The following CXADR variants were observed in gnomAD, a reference collection of about 807,000 sequenced individuals.
CXADR encodes the protein coxsackievirus and adenovirus receptor.
CXADR carries 20 observed loss-of-function variants against 40.3 expected under a neutral mutation model. That is an observed-to-expected ratio of 0.50 (90% confidence interval 0.35 to 0.72). The LOEUF (loss-of-function observed/expected upper bound fraction) is 0.72, where lower values mean the gene tolerates loss of function less well. CXADR is among the 30% of genes least tolerant of loss of function. The pLI, the probability that CXADR is intolerant of heterozygous loss-of-function variation, is 0.01. For synonymous variants in CXADR, 150 were observed against 161.3 expected (o/e 0.93, Z 0.53); for missense variants, 332 against 449.1 (o/e 0.74, Z 2.36).
chr21:17,611,893 C>G, the CXADR span: 5 of 152,200 alleles, frequency 3.3e-5, no homozygotes, highest in South Asian at 4.1e-4. Context: ...TCTAGGAACA[C>G]ATTTTTCTCC....
chr21:17,561,588 A>G, intron 6 of CXADR, 112 bp downstream of exon 6: 2 of 889,962 alleles, frequency 2.2e-6, no homozygotes, highest in Non-Finnish European at 3.3e-6. Context: ...GAATGGGTAA[A>G]AGCTCTGGCC....
the CXADR span, among the ~76,000 whole-genome samples, chr21:17,636,033 G>T: frequency 6.6e-6 from 1 of 152,134 alleles, no homozygotes; most frequent in Admixed American, 6.5e-5. Context: ...TTATCCTTAA[G>T]TATTTTACAG....
chr21:17,626,420 TACTC>T, the CXADR span, among the ~76,000 whole-genome samples: 7 of 152,208 alleles, frequency 4.6e-5, no homozygotes, highest in Admixed American at 2.6e-4. Flanking sequence ...AATTACCAAT[TACTC>T]AATCAGAATT....
intron 1 of CXADR, among the ~76,000 whole-genome samples, chr21:17,538,952 T>C (rs1308469104): frequency 1.3e-5 from 2 of 152,170 alleles, no homozygotes; most frequent in Non-Finnish European, 2.9e-5. Context: ...AAGATAATAG[T>C]GGCCTGGATA....
chr21:17,576,036 C>T (rs1443792734), intron 7 of CXADR, among the ~76,000 whole-genome samples: 8 of 142,702 alleles, frequency 5.6e-5, no homozygotes, highest in East Asian at 2.1e-4. Flanking sequence ...TGCAGTGAGC[C>T]GAGATCACGC....
chr21:17,526,510 T>TG (rs1482878235), intron 1 of CXADR, among the ~76,000 whole-genome samples: 1 of 152,032 alleles, frequency 6.6e-6, no homozygotes, highest in African/African-American at 2.4e-5. Context: ...TTTGCCTAGG[T>TG]GGGGAAATAA....
downstream of CXADR, among the ~76,000 whole-genome samples, chr21:17,596,809 C>T (rs2061510065): frequency 6.6e-6 from 1 of 152,024 alleles, no homozygotes; most frequent in African/African-American, 2.4e-5. Context: ...TGAATTGGAT[C>T]TACAGATCTA....
At chr21:17,559,510 C>T (rs1412654143) in intron 4 of CXADR, among the ~76,000 whole-genome samples, 3 of 151,920 alleles carry the variant, frequency 2.0e-5, no homozygotes, top group African/African-American at 7.3e-5. Flanking sequence ...TGTAGATTCC[C>T]AGATGCTTTC....
chr21:17,523,185 C>T (rs570484251), intron 1 of CXADR, among the ~76,000 whole-genome samples: 1 of 152,052 alleles, frequency 6.6e-6, no homozygotes. Context: ...TCAAGCATGC[C>T]GATACTGTCA....
chr21:17,560,853 T>G (rs773986762), intron 5 of CXADR, 29 bp downstream of exon 5: 1 of 1,611,294 alleles, frequency 6.2e-7, no homozygotes, highest in African/African-American at 1.3e-5. Flanking sequence ...GTTGGTGGTT[T>G]TGTTTCTGTT....
the CXADR span, among the ~76,000 whole-genome samples, chr21:17,618,763 C>G: frequency 6.6e-6 from 1 of 152,000 alleles, no homozygotes; most frequent in African/African-American, 2.4e-5. Context: ...TCTCAAACTC[C>G]TGACTTCATG....
intron 1 of CXADR, among the ~76,000 whole-genome samples, chr21:17,534,371 AG>A (rs2060726529): frequency 6.6e-6 from 1 of 152,078 alleles, no homozygotes; most frequent in Non-Finnish European, 1.5e-5. Flanking sequence ...CTGGGATTAC[AG>A]GCGTGAGCCA....
intron 7 of CXADR, among the ~76,000 whole-genome samples, chr21:17,583,090 G>A (rs185485327): frequency 7.1e-4 from 108 of 152,244 alleles, no homozygotes; most frequent in African/African-American, 2.5e-3. Context: ...CTTTTAATCT[G>A]ACAAGGAGGG....
At chr21:17,515,882 A>C (rs2060455828) in intron 1 of CXADR, among the ~76,000 whole-genome samples, 1 of 152,226 alleles carries the variant, frequency 6.6e-6, no homozygotes, top group South Asian at 2.1e-4. Context: ...CTACTTTAGC[A>C]AAACAAGGGA....
At chr21:17,516,462 A>G (rs1253928356) in intron 1 of CXADR, among the ~76,000 whole-genome samples, 1 of 152,238 alleles carries the variant, frequency 6.6e-6, no homozygotes. Flanking sequence ...TAGTTTCTCC[A>G]GGGCTTGGGT....
chr21:17,514,667 C>T (rs1454560575), intron 1 of CXADR, among the ~76,000 whole-genome samples: 1 of 149,500 alleles, frequency 6.7e-6, no homozygotes, highest in African/African-American at 2.5e-5. Context: ...GAGTTTCGCT[C>T]TTGTTGCACA....
intron 1 of CXADR, among the ~76,000 whole-genome samples, chr21:17,513,397 G>A (rs1364030869): frequency 6.6e-6 from 1 of 152,072 alleles, no homozygotes; most frequent in Non-Finnish European, 1.5e-5. Context: ...AGTGCCCGGG[G>A]ACGGAGCCCT....
At chr21:17,603,233 G>C in the CXADR span, among the ~76,000 whole-genome samples, 1 of 152,082 alleles carries the variant, frequency 6.6e-6, no homozygotes, top group Non-Finnish European at 1.5e-5. Context: ...AGGTTCAGTG[G>C]CCAAAGTTTT....
chr21:17,608,083 T>G, the CXADR span, among the ~76,000 whole-genome samples: 4 of 152,132 alleles, frequency 2.6e-5, no homozygotes, highest in Admixed American at 2.0e-4. Flanking sequence ...TCCCAGAACC[T>G]TGGCCAGGCA....
Sources: gnomAD v4.1 joint callset for allele counts (sites outside exome capture counted in the v4.1 genomes callset) on GRCh38, gnomAD v4.1.1 for gene constraint, MANE v1.5 for transcripts, NCBI Gene and HGNC (gene_info 2026-07-23, HGNC 2026-07-21) for gene names.